Variants in FASTKD2 observed in about 807,000 individuals in gnomAD.
FASTKD2 encodes FAST kinase domain-containing protein 2, mitochondrial.
FASTKD2 carries 51 observed loss-of-function variants against 63.6 expected under a neutral mutation model. The ratio of observed to expected loss-of-function variants is 0.80; its 90% CI spans 0.64 to 1.01. The LOEUF is 1.01. Ranked by LOEUF, FASTKD2 falls within the 50% of genes least tolerant of loss-of-function variation. The probability of loss-of-function intolerance (pLI) is 0.00; values close to 1 mark genes in which losing one functional copy is unlikely to be tolerated. For synonymous variants in FASTKD2, 284 were observed against 293.4 expected, an observed-to-expected ratio of 0.97 and a Z score of 0.33; for missense variants, 786 against 831.1, an observed-to-expected ratio of 0.95 and a Z score of 0.67.
At chr2:206,777,162 T>C (rs1194637239) in intron 7 of FASTKD2, among the ~76,000 whole-genome samples, 1 of 152,162 alleles carries the variant, frequency 6.6e-6, no homozygotes, top group Non-Finnish European at 1.5e-5. Flanking sequence ...TGTTTTTCTT[T>C]CTTTTTCTTT....
rs1682532601 is a variant in FASTKD2, at chr2:206,796,070, C to G, written c.*4268C>G. On this transcript the variant is annotated 3_prime_UTR_variant, in exon 12 of 12. Transcript: ENST00000402774. ...AGAAACTAACAAAAGCACATTGTGT[C>G]TAAACTAGGTTGCAGTGGTTTCTGT... 1.3e-5 allele frequency among the ~76,000 whole-genome samples: 2 copies of G among 152,168 alleles called. No homozygotes were observed. The highest frequency in any genetic ancestry group is 6.5e-5 in the Admixed American group (1 of 15,278).
In FASTKD2 at chr2:206,772,403, C is replaced by G. The variant is rs909288719; in HGVS notation, c.1254+83C>G. The stretch of plus-strand genomic sequence containing the variant: ...TAGCATTTTAAGTATTTCTCTTTCA[C>G]CTTTATAGTAGTTAAGATACCAAAA... On this transcript the variant is annotated intron_variant, in intron 6 of 11. Transcript: ENST00000402774. 5 of 1,354,922 alleles carry G rather than the reference C, an allele frequency of 3.7e-6. No homozygotes were observed. In the East Asian group the frequency reaches 1.2e-4, roughly 32 times the overall value. 83.9% of individuals were successfully genotyped at this position (1,354,922 alleles called of 1,614,324 possible).
chr2:206,782,577 C>T (rs901739173), intron 7 of FASTKD2, among the ~76,000 whole-genome samples: 1 of 152,178 alleles, frequency 6.6e-6, no homozygotes, highest in Non-Finnish European at 1.5e-5. Context: ...CTGCTTTCTA[C>T]CCAGAACATC....
chr2:206,790,253 T>C (rs1428253998), intron 10 of FASTKD2: 1 of 306,482 alleles, frequency 3.3e-6, no homozygotes, highest in African/African-American at 2.1e-5. Context: ...TATACTCAGA[T>C]CAGAAATCAG....
At chr2:206,770,519 G>A (rs778447227) in intron 3 of FASTKD2, among the ~76,000 whole-genome samples, 22 of 152,180 alleles carry the variant, frequency 1.4e-4, no homozygotes, top group Non-Finnish European at 2.6e-4. Context: ...CGAGGCAGGC[G>A]GATCACGAGG....
intron 7 of FASTKD2, among the ~76,000 whole-genome samples, chr2:206,777,225 G>A (rs1164200263): frequency 1.3e-5 from 2 of 152,102 alleles, no homozygotes; most frequent in African/African-American, 4.8e-5. Flanking sequence ...GAATAGAAGT[G>A]ATGAGAGTAG....
chr2:206,768,825 T>G (rs748397845), intron 2 of FASTKD2, among the ~76,000 whole-genome samples: 1 of 152,262 alleles, frequency 6.6e-6, no homozygotes, highest in Non-Finnish European at 1.5e-5. Context: ...CTTTTTACAT[T>G]ACTGTGATTT....
chr2:206,780,015 G>A (rs1349466858), intron 7 of FASTKD2, among the ~76,000 whole-genome samples: 3 of 152,128 alleles, frequency 2.0e-5, no homozygotes, highest in South Asian at 2.1e-4. Flanking sequence ...TACAAAAGCT[G>A]TACACTTGTC....
Position 206,795,555 on chromosome 2 carries a change from A to G in FASTKD2, c.*3753A>G, listed in dbSNP as rs563663499. 2.6e-5 allele frequency among the ~76,000 whole-genome samples: 4 copies of G among 152,132 alleles called. No homozygotes were observed. In the South Asian group the frequency reaches 8.3e-4, roughly 32 times the overall value. On this transcript the variant is annotated 3_prime_UTR_variant, in exon 12 of 12. Transcript: ENST00000402774. ...GTCCAAGATGGCTATCTCTTAACAC[A>G]CTTGTAACCCATTTGTGCACACAGG...
intron 6 of FASTKD2, among the ~76,000 whole-genome samples, 172 bp from the exon 7 acceptor site, chr2:206,774,048 TAGAAC>T (rs1689756650): frequency 6.6e-6 from 1 of 152,132 alleles, no homozygotes; most frequent in Non-Finnish European, 1.5e-5. Flanking sequence ...CAAGAATTAA[TAGAAC>T]AGATTTTGTG....
chr2:206,769,961 C>T, intron 2 of FASTKD2, 130 bp from the exon 3 acceptor site: 1 of 708,574 alleles, frequency 1.4e-6, no homozygotes. Context: ...TTATTGTGGA[C>T]TGACTGTAGG....
At chr2:206,787,747 T>G (rs1364169367) in intron 8 of FASTKD2, among the ~76,000 whole-genome samples, 190 bp from the exon 9 acceptor site, 4 of 152,168 alleles carry the variant, frequency 2.6e-5, no homozygotes, top group Non-Finnish European at 5.9e-5. Context: ...TGCAGGGCTT[T>G]GATTTAGACC....
chr2:206,776,244 G>A (rs905233954), intron 7 of FASTKD2, among the ~76,000 whole-genome samples: 7 of 151,386 alleles, frequency 4.6e-5, no homozygotes, highest in African/African-American at 1.7e-4. Context: ...ATGAGTTACA[G>A]GAATTCCTTA....
chr2:206,781,796 A>G (rs988869620), intron 7 of FASTKD2, among the ~76,000 whole-genome samples: 5 of 149,376 alleles, frequency 3.3e-5, no homozygotes, highest in Admixed American at 1.4e-4. Context: ...AGAAGCCTTG[A>G]GTTGTGCTGT....
chr2:206,786,691 C>T, intron 7 of FASTKD2, 42 bp from the exon 8 acceptor site: 3 of 1,564,444 alleles, frequency 1.9e-6, no homozygotes, highest in Non-Finnish European at 2.6e-6. Flanking sequence ...AGATATTGGC[C>T]TTCTGTATAT....
chr2:206,791,988 T>A lies in FASTKD2; in HGVS notation c.*186T>A. On this transcript the variant is annotated 3_prime_UTR_variant, in exon 12 of 12. Coordinates refer to ENST00000402774, the MANE Select transcript of FASTKD2 (RefSeq NM_001136193.2). Reference sequence around the variant, plus strand: ...GCCATTTAAAAATATGCTGAGAAAATTCCAGAAGGGTTATTTTTCCAACCA... The same window carrying A: ...GCCATTTAAAAATATGCTGAGAAAAATCCAGAAGGGTTATTTTTCCAACCA... 1 of 607,018 alleles carries A rather than the reference T, an allele frequency of 1.6e-6. No homozygotes were observed. 37.6% of individuals were successfully genotyped at this position (607,018 alleles called of 1,614,324 possible).
At chr2:206,771,653 C>CAA (rs71034472) in intron 4 of FASTKD2, among the ~76,000 whole-genome samples, 3,436 of 44,526 alleles carry the variant, frequency 0.077, 490 homozygotes, top group East Asian at 0.44. Flanking sequence ...CCTGTCTCTG[C>CAA]AAAAAAAAAA....
At chr2:206,783,678 T>G (rs1690054933) in intron 7 of FASTKD2, among the ~76,000 whole-genome samples, 1 of 152,078 alleles carries the variant, frequency 6.6e-6, no homozygotes. Context: ...ATTGTTACAT[T>G]GAAAATAGAG....
Position 206,774,399 on chromosome 2 carries a change from T to G in FASTKD2, c.1427+2T>G. 6.3e-7 allele frequency: 1 copy of G among 1,579,390 alleles called. No homozygotes were observed. The highest frequency in any genetic ancestry group is 8.7e-7 in the Non-Finnish European group (1 of 1,152,322). ...TGTCTACAAATGCCAGAACAAAGAG[T>G]ATGTACTTGTTTTTTTTTACCTTTT... is the stretch of plus-strand genomic sequence containing the variant. On this transcript the variant is annotated splice_donor_variant, in intron 7 of 11. Coordinates refer to ENST00000402774, the MANE Select transcript of FASTKD2 (RefSeq NM_001136193.2). LOFTEE classifies it high-confidence loss of function.
Sources: gnomAD v4.1 joint callset for allele counts (sites outside exome capture counted in the v4.1 genomes callset) on GRCh38, gnomAD v4.1.1 for gene constraint, MANE v1.5 for transcripts, NCBI Gene and HGNC (gene_info 2026-07-23, HGNC 2026-07-21) for gene names.